MLLT10: variants seen among roughly 807,000 people sequenced by gnomAD.
MLLT10 encodes protein AF-10.
A neutral mutation model predicts 129.1 loss-of-function variants in MLLT10; 30 were observed. The ratio of observed to expected loss-of-function variants is 0.23; its 90% confidence interval spans 0.17 to 0.32. MLLT10 has a LOEUF of 0.32. Among genes scored for constraint, MLLT10 ranks in the 10% least tolerant of loss-of-function variants. MLLT10 has a pLI of 1.00. For missense variants in MLLT10, 1,119 were observed against 1,268.3 expected, an observed-to-expected ratio of 0.88 and a Z score of 1.79; for synonymous variants, 490 against 446.4, an observed-to-expected ratio of 1.10 and a Z score of -1.23.
At chr10:21,586,246 T>C (rs1181003901) in intron 3 of MLLT10, 48 bp from the exon 4 acceptor site, 34 of 1,436,202 alleles carry the variant, frequency 2.4e-5, no homozygotes, top group Non-Finnish European at 3.0e-5. Context: ...TACTACATTT[T>C]TGATAATCTG....
At chr10:21,676,101 C>A (rs1264001623) in intron 11 of MLLT10, among the ~76,000 whole-genome samples, 1 of 152,142 alleles carries the variant, frequency 6.6e-6, no homozygotes, top group Admixed American at 6.5e-5. Flanking sequence ...AGAAATTTAT[C>A]TGCCAATAAA....
chr10:21,572,136 C>G (rs2040269088), intron 3 of MLLT10: 1 of 152,152 alleles, frequency 6.6e-6, no homozygotes, highest in African/African-American at 2.4e-5. Flanking sequence ...ATATGGCTAT[C>G]CAGTTGTTTT....
At chr10:21,547,144 A>G (rs1402343140) in intron 3 of MLLT10, among the ~76,000 whole-genome samples, 3 of 152,166 alleles carry the variant, frequency 2.0e-5, no homozygotes, top group Non-Finnish European at 4.4e-5. Context: ...TGCTGGGATT[A>G]CAGGTGTGAG....
intron 13 of MLLT10, among the ~76,000 whole-genome samples, chr10:21,687,065 C>T (rs965491531): frequency 6.6e-6 from 1 of 152,082 alleles, no homozygotes; most frequent in African/African-American, 2.4e-5. Flanking sequence ...AGTTCCAAGT[C>T]CCACTTATTG....
At chr10:21,645,520 TTTTC>T (rs2048390534) in intron 8 of MLLT10, among the ~76,000 whole-genome samples, 1 of 152,190 alleles carries the variant, frequency 6.6e-6, no homozygotes, top group South Asian at 2.1e-4. Context: ...CACATGTTCT[TTTTC>T]TTTCTTATGT....
chr10:21,535,042 G>A (rs1426927620), intron 2 of MLLT10, among the ~76,000 whole-genome samples: 2 of 149,096 alleles, frequency 1.3e-5, no homozygotes, highest in African/African-American at 2.4e-5. Flanking sequence ...CGCCGCCTGC[G>A]CCTGGGGCCG....
chr10:21,596,543 C>T (rs2043030677), intron 5 of MLLT10, among the ~76,000 whole-genome samples: 1 of 151,644 alleles, frequency 6.6e-6, no homozygotes, highest in Non-Finnish European at 1.5e-5. Context: ...CTGGAAGTTA[C>T]ACTGTATTAG....
intron 5 of MLLT10, among the ~76,000 whole-genome samples, chr10:21,611,459 G>A (rs1385355594): frequency 6.6e-6 from 1 of 151,868 alleles, no homozygotes; most frequent in Non-Finnish European, 1.5e-5. Flanking sequence ...TGTTGAAGTT[G>A]GGCTAGGTTA....
At chr10:21,660,896 T>G (rs938769141) in intron 9 of MLLT10, among the ~76,000 whole-genome samples, 2 of 149,430 alleles carry the variant, frequency 1.3e-5, no homozygotes, top group African/African-American at 5.0e-5. Context: ...AAAAAAAAGA[T>G]TATTGTTCTT....
At chr10:21,736,514 C>A (rs2058377167) in intron 21 of MLLT10, among the ~76,000 whole-genome samples, 1 of 152,198 alleles carries the variant, frequency 6.6e-6, no homozygotes, top group African/African-American at 2.4e-5. Flanking sequence ...GAACTCCTGA[C>A]CTCAAGTGAT....
intron 5 of MLLT10, among the ~76,000 whole-genome samples, chr10:21,610,984 C>CTT (rs71393913): frequency 0.21 from 21,093 of 102,020 alleles, 2,519 homozygotes; most frequent in Middle Eastern, 0.38. Flanking sequence ...TCTTTTTTCT[C>CTT]TTTTTTTTTT....
intron 9 of MLLT10, among the ~76,000 whole-genome samples, chr10:21,666,056 T>C (rs1286959563): frequency 6.6e-6 from 1 of 152,172 alleles, no homozygotes; most frequent in Non-Finnish European, 1.5e-5. Context: ...TTGCCCATCA[T>C]TTCTCTTCCC....
At chr10:21,659,515 T>G (rs1459491118) in intron 9 of MLLT10, among the ~76,000 whole-genome samples, 1 of 151,090 alleles carries the variant, frequency 6.6e-6, no homozygotes, top group Non-Finnish European at 1.5e-5. Context: ...TCTTAATCTT[T>G]TTTTTTTTTT....
intron 9 of MLLT10, among the ~76,000 whole-genome samples, chr10:21,655,998 C>G (rs552606526): frequency 1.8e-4 from 28 of 151,946 alleles, no homozygotes; most frequent in Middle Eastern, 3.4e-3. Flanking sequence ...GAGGATGGAC[C>G]AGGAGTCTTT....
chr10:21,645,202 A>G (rs1208838944), intron 8 of MLLT10, among the ~76,000 whole-genome samples: 3 of 152,198 alleles, frequency 2.0e-5, no homozygotes, highest in Non-Finnish European at 2.9e-5. Flanking sequence ...AATTTCTACT[A>G]TAGAATCTAG....
chr10:21,717,678 TC>T (rs2056766015), intron 14 of MLLT10, among the ~76,000 whole-genome samples: 1 of 99,584 alleles, frequency 1.0e-5, no homozygotes, highest in African/African-American at 4.6e-5. Flanking sequence ...CTCCTCCTCT[TC>T]CTCCTCCTCC....
intron 8 of MLLT10, among the ~76,000 whole-genome samples, chr10:21,648,363 A>AT (rs1488833157): frequency 1.3e-5 from 2 of 151,956 alleles, no homozygotes; most frequent in African/African-American, 2.4e-5. Flanking sequence ...GCTTTGTATG[A>AT]TTTTTTTACA....
At chr10:21,651,327 C>T (rs1480897672) in intron 8 of MLLT10, among the ~76,000 whole-genome samples, 1 of 152,188 alleles carries the variant, frequency 6.6e-6, no homozygotes, top group Non-Finnish European at 1.5e-5. Context: ...GCTTCAGCTT[C>T]CCAAAGTGCT....
chr10:21,699,122 G>A (rs909503088), intron 13 of MLLT10, among the ~76,000 whole-genome samples: 5 of 152,194 alleles, frequency 3.3e-5, no homozygotes, highest in South Asian at 2.1e-4. Flanking sequence ...TGATCCACCC[G>A]CCTCGGCCTC....
Sources: gnomAD v4.1 joint callset for allele counts (sites outside exome capture counted in the v4.1 genomes callset) on GRCh38, gnomAD v4.1.1 for gene constraint, MANE v1.5 for transcripts, NCBI Gene and HGNC (gene_info 2026-07-23, HGNC 2026-07-21) for gene names.